Variants in OSMR observed in about 807,000 individuals in gnomAD.
OSMR encodes oncostatin-M-specific receptor subunit beta.
A neutral mutation model predicts 99.9 loss-of-function variants in OSMR; 81 were observed. The observed-to-expected ratio is 0.81, with a 90% confidence interval of 0.68 to 0.97. The LOEUF is 0.97. Ranked by LOEUF, OSMR falls within the 50% of genes least tolerant of loss-of-function variation. OSMR has a pLI of 0.00. For synonymous variants in OSMR, 406 were observed against 410.4 expected, an observed-to-expected ratio of 0.99 and a Z score of 0.13; for missense variants, 1,099 against 1,153.4, an observed-to-expected ratio of 0.95 and a Z score of 0.68.
chr5:38,932,102 AGTAT>A, intron 16 of OSMR, 138 bp downstream of exon 16: 1 of 736,740 alleles, frequency 1.4e-6, no homozygotes, highest in South Asian at 1.6e-5. Context: ...CTGGGGTGAG[AGTAT>A]GTAATTTATT....
intron 3 of OSMR, among the ~76,000 whole-genome samples, chr5:38,881,169 T>C (rs1478635933): frequency 6.6e-6 from 1 of 151,926 alleles, no homozygotes; most frequent in East Asian, 1.9e-4. Context: ...TTGCTAAAGA[T>C]GAATATTTTT....
At chr5:38,893,775 C>G (rs1157491113) in intron 7 of OSMR, among the ~76,000 whole-genome samples, 2 of 152,020 alleles carry the variant, frequency 1.3e-5, no homozygotes, top group Non-Finnish European at 2.9e-5. Flanking sequence ...AGAATAAAAC[C>G]TCTGTAATCT....
chr5:38,865,577 A>T (rs1741872599), intron 1 of OSMR, among the ~76,000 whole-genome samples: 1 of 152,060 alleles, frequency 6.6e-6, no homozygotes, highest in Non-Finnish European at 1.5e-5. Context: ...CTGTGGTGAG[A>T]TTTTGTGAAG....
At chr5:38,850,616 C>A (rs902975643) in intron 1 of OSMR, among the ~76,000 whole-genome samples, 5 of 152,108 alleles carry the variant, frequency 3.3e-5, no homozygotes, top group Non-Finnish European at 5.9e-5. Flanking sequence ...TTGTAAGTGG[C>A]TTCTGCAAAT....
chr5:38,921,055 C>T (rs1380880986), intron 11 of OSMR, among the ~76,000 whole-genome samples: 2 of 152,008 alleles, frequency 1.3e-5, no homozygotes, highest in African/African-American at 2.4e-5. Context: ...CTGATGTTAC[C>T]GTGGGAGAAT....
At chr5:38,878,156 C>T (rs34912723) in intron 3 of OSMR, among the ~76,000 whole-genome samples, 2,505 of 152,244 alleles carry the variant, frequency 0.016, 36 homozygotes, top group Non-Finnish European at 0.025. Flanking sequence ...CCCAGGCCAT[C>T]GGTGGACACA....
intron 9 of OSMR, among the ~76,000 whole-genome samples, chr5:38,905,752 C>G (rs536278579): frequency 2.6e-5 from 4 of 152,334 alleles, no homozygotes; most frequent in African/African-American, 9.6e-5. Flanking sequence ...TGTTCTCTCT[C>G]TTGGTGTTAT....
chr5:38,924,257 C>T, intron 13 of OSMR, 165 bp from the exon 14 acceptor site: 1 of 966,760 alleles, frequency 1.0e-6, no homozygotes, highest in Non-Finnish European at 1.2e-6. Context: ...CTCTCATAAA[C>T]TATGTCAAGG....
intron 7 of OSMR, among the ~76,000 whole-genome samples, chr5:38,898,063 A>C (rs1309485669): frequency 6.6e-6 from 1 of 152,170 alleles, no homozygotes; most frequent in Non-Finnish European, 1.5e-5. Context: ...TGAGGAGAAG[A>C]ATGTATTCTG....
chr5:38,858,573 G>A (rs2112106107), intron 1 of OSMR, among the ~76,000 whole-genome samples: 1 of 152,166 alleles, frequency 6.6e-6, no homozygotes, highest in Non-Finnish European at 1.5e-5. Context: ...AACAAACATG[G>A]GGGTGCAGGG....
chr5:38,874,436 C>T (rs1742643763), intron 2 of OSMR, among the ~76,000 whole-genome samples: 1 of 152,212 alleles, frequency 6.6e-6, no homozygotes, highest in East Asian at 1.9e-4. Flanking sequence ...TTGTTCATCT[C>T]ACTTTCATAG....
chr5:38,921,394 C>T, intron 11 of OSMR: 4 of 719,160 alleles, frequency 5.6e-6, no homozygotes, highest in Non-Finnish European at 6.8e-6. Flanking sequence ...AGAAGGTCAA[C>T]ATGATGGGCA....
chr5:38,851,076 ATGGGTTGGAC>A (rs1740312547), intron 1 of OSMR, among the ~76,000 whole-genome samples: 1 of 152,140 alleles, frequency 6.6e-6, no homozygotes, highest in Admixed American at 6.6e-5. Context: ...GTTCAATACC[ATGGGTTGGAC>A]TGGAAACACA....
At chr5:38,897,907 G>T (rs951770897) in intron 7 of OSMR, among the ~76,000 whole-genome samples, 2 of 151,992 alleles carry the variant, frequency 1.3e-5, no homozygotes, top group African/African-American at 2.4e-5. Context: ...GTAGTTTATA[G>T]TTTCCAAAAT....
intron 3 of OSMR, among the ~76,000 whole-genome samples, chr5:38,878,536 A>AT (rs1322679332): frequency 6.6e-5 from 10 of 151,984 alleles, no homozygotes; most frequent in African/African-American, 2.4e-4. Context: ...TTGCTTTTTG[A>AT]TTTTGTCAAT....
In OSMR at chr5:38,933,551, G is replaced by C. The variant is rs1282843059; in HGVS notation, c.*107G>C. 2 of 1,284,408 alleles carry C rather than the reference G, an allele frequency of 1.6e-6. No individual in the cohort carries two copies. The highest frequency in any genetic ancestry group is 1.8e-5 in the Admixed American group (1 of 55,924). 79.6% of individuals were successfully genotyped at this position (1,284,408 alleles called of 1,614,324 possible). ...GTCCTTAATCCCAGTACGATTTGCA[G>C]GTCTGGTTTATATAAGACCACTACA... is the stretch of plus-strand genomic sequence containing the variant. On this transcript the variant is annotated 3_prime_UTR_variant, in exon 18 of 18. Coordinates refer to ENST00000274276, the MANE Select transcript of OSMR (RefSeq NM_003999.3).
chr5:38,877,576 G>A (rs942989061), intron 3 of OSMR, among the ~76,000 whole-genome samples: 1 of 152,078 alleles, frequency 6.6e-6, no homozygotes, highest in East Asian at 1.9e-4. Context: ...TCTGATTTTT[G>A]TATTTTTAAT....
At chr5:38,877,435 C>T (rs1461187571) in intron 3 of OSMR, among the ~76,000 whole-genome samples, 11 of 152,152 alleles carry the variant, frequency 7.2e-5, no homozygotes, top group Non-Finnish European at 2.9e-5. Flanking sequence ...ATAATTCTAC[C>T]TCTCAAAGGG....
chr5:38,883,622 GTA>G, intron 4 of OSMR: 4 of 766,772 alleles, frequency 5.2e-6, no homozygotes, highest in Non-Finnish European at 6.3e-6. Flanking sequence ...AACAGCAGTG[GTA>G]TCAGTGTAAC....
Sources: allele counts gnomAD v4.1 joint callset (sites outside exome capture counted in the v4.1 genomes callset), GRCh38; gene constraint gnomAD v4.1.1; transcripts MANE v1.5; gene names NCBI Gene and HGNC (gene_info 2026-07-23, HGNC 2026-07-21).